Variants in AGBL3 observed in about 807,000 individuals in gnomAD.
AGBL3 encodes the protein AGBL carboxypeptidase 3.
A neutral mutation model predicts 94.5 loss-of-function variants in AGBL3; 68 were observed. That is an observed-to-expected ratio of 0.72 (90% CI 0.59 to 0.88). The LOEUF is 0.88. Ranked by LOEUF, AGBL3 falls within the 40% of genes least tolerant of loss-of-function variation. The pLI is 0.00. For synonymous variants in AGBL3, 354 were observed against 370.7 expected (o/e 0.95, Z 0.52); for missense variants, 934 against 1,103.8 (o/e 0.85, Z 2.18).
At chr7:135,059,746 G>A (rs1247489254) in intron 12 of AGBL3, among the ~76,000 whole-genome samples, 2 of 152,140 alleles carry the variant, frequency 1.3e-5, no homozygotes, top group African/African-American at 4.8e-5. Flanking sequence ...AGCAGGAGCG[G>A]GAATAAAGAG....
At chr7:135,122,501 C>T (rs932731526) in intron 16 of AGBL3, among the ~76,000 whole-genome samples, 1 of 152,150 alleles carries the variant, frequency 6.6e-6, no homozygotes, top group Non-Finnish European at 1.5e-5. Flanking sequence ...AGTGGGTTTC[C>T]CCCCAGCGAA....
intron 3 of AGBL3, among the ~76,000 whole-genome samples, chr7:134,992,220 G>T (rs1397927028): frequency 2.0e-5 from 3 of 152,166 alleles, no homozygotes; most frequent in Non-Finnish European, 2.9e-5. Flanking sequence ...TTTGCTTGTG[G>T]ATCAGTTTCA....
chr7:135,031,771 G>C (rs1815770585), intron 5 of AGBL3, among the ~76,000 whole-genome samples: 1 of 152,050 alleles, frequency 6.6e-6, no homozygotes, highest in African/African-American at 2.4e-5. Flanking sequence ...GAAAGCCTAA[G>C]GTATTCCATA....
Position 135,105,167 on chromosome 7 carries a change from T to G in AGBL3, c.2111-10213T>G, listed in dbSNP as rs578051612. On this transcript the variant is annotated intron_variant, in intron 15 of 16. Coordinates refer to ENST00000436302, the MANE Select transcript of AGBL3 (RefSeq NM_178563.4). The stretch of plus-strand genomic sequence containing the variant: ...TCACTGCAACCTCCACCTCCCAGAT[T>G]CAAGAGATTCTCTTGCCTCAGCCTC... Among the ~76,000 whole-genome samples, 72 of 150,310 alleles carry G rather than the reference T, an allele frequency of 4.8e-4. 1 individual carries two copies. The highest frequency in any genetic ancestry group is 1.6e-3 in the African/African-American group (66 of 41,056).
At chr7:135,126,051 A>G (rs1827827129) in intron 16 of AGBL3, among the ~76,000 whole-genome samples, 1 of 152,212 alleles carries the variant, frequency 6.6e-6, no homozygotes, top group Admixed American at 6.5e-5. Context: ...CAGGGCAATC[A>G]GGCAAGAGAA....
chr7:135,059,240 G>T lies in AGBL3; in HGVS notation c.1908+5G>T. On this transcript the variant is annotated splice_donor_5th_base_variant and intron_variant, in intron 12 of 16. Transcript: ENST00000436302. The stretch of plus-strand genomic sequence containing the variant: ...CTTCTCAAGTTAACTTCTCAGGTAT[G>T]ACTGAACATTTTTGCTTATATGTGG... 1 of 1,549,502 alleles carries T rather than the reference G, an allele frequency of 6.5e-7. No individual in the cohort carries two copies. The highest frequency in any genetic ancestry group is 1.2e-5 in the South Asian group (1 of 83,838).
rs1820347310 is a variant in AGBL3 at position 135,075,299 on chromosome 7, T to C, written c.1909-1098T>C. 2.6e-5 allele frequency among the ~76,000 whole-genome samples: 4 copies of C among 152,222 alleles called. No homozygotes were observed. The South Asian group carries it at 8.3e-4, about 32-fold the overall frequency. ...GTAAATGTATCATTCACAAATGTTT[T>C]TTCACATCCCTGTGAAATCACACAA... On this transcript the variant is annotated intron_variant, in intron 12 of 16. Coordinates refer to ENST00000436302, the MANE Select transcript of AGBL3 (RefSeq NM_178563.4).
intron 4 of AGBL3, among the ~76,000 whole-genome samples, chr7:135,009,369 C>G (rs1812813626): frequency 6.6e-6 from 1 of 151,996 alleles, no homozygotes; most frequent in Non-Finnish European, 1.5e-5. Context: ...GTGATAGAAG[C>G]CAGACACAAA....
At chr7:135,036,939 C>T (rs1202056367) in intron 7 of AGBL3, among the ~76,000 whole-genome samples, 7 of 122,832 alleles carry the variant, frequency 5.7e-5, no homozygotes, top group East Asian at 2.3e-4. Context: ...TTTTTTTAGA[C>T]GGAGTCTCAC....
chr7:135,002,049 CCCTT>C (rs1422644416), intron 4 of AGBL3, among the ~76,000 whole-genome samples: 2 of 152,128 alleles, frequency 1.3e-5, no homozygotes, highest in Non-Finnish European at 2.9e-5. Flanking sequence ...TACCCTCTTA[CCCTT>C]CCTTTTCCCA....
Position 135,057,070 on chromosome 7 carries a change from A to G in AGBL3, c.1842-2099A>G, listed in dbSNP as rs75720510. Among the ~76,000 whole-genome samples, 113 of 152,260 alleles carry G rather than the reference A, an allele frequency of 7.4e-4. 1 individual carries two copies. The East Asian group carries it at 0.021, about 28-fold the overall frequency. ...ATAAAACAAAATAGAGAACCCAGAA[A>G]TATATCCAATATATTTGTCACCGCT... On this transcript the variant is annotated intron_variant, in intron 11 of 16. Transcript: ENST00000436302.
intron 4 of AGBL3, among the ~76,000 whole-genome samples, chr7:135,007,406 G>C (rs982570239): frequency 8.6e-5 from 13 of 151,830 alleles, no homozygotes; most frequent in Non-Finnish European, 1.9e-4. Context: ...TAATGTGATA[G>C]AACATATCAG....
intron 5 of AGBL3, among the ~76,000 whole-genome samples, chr7:135,023,973 C>T (rs1814801016): frequency 6.6e-6 from 1 of 152,204 alleles, no homozygotes; most frequent in Admixed American, 6.5e-5. Context: ...AGGGCTTTGG[C>T]ATGCAGCTTG....
At chr7:135,000,998 G>A (rs1388179688) in intron 4 of AGBL3, among the ~76,000 whole-genome samples, 1 of 152,096 alleles carries the variant, frequency 6.6e-6, no homozygotes, top group African/African-American at 2.4e-5. Flanking sequence ...CAATTCTATA[G>A]GTTCCCATTT....
chr7:135,071,842 G>A (rs553021975), intron 12 of AGBL3, among the ~76,000 whole-genome samples: 1,818 of 152,136 alleles, frequency 0.012, 29 homozygotes, highest in African/African-American at 0.04. Context: ...CATTCAGGAC[G>A]TAGGCATGGG....
chr7:135,071,950 G>T (rs903360345), intron 12 of AGBL3, among the ~76,000 whole-genome samples: 1 of 152,116 alleles, frequency 6.6e-6, no homozygotes, highest in Non-Finnish European at 1.5e-5. Flanking sequence ...CACAGCAAAA[G>T]AAACTACCAT....
At chr7:135,120,842 G>C (rs1409060512) in intron 16 of AGBL3, among the ~76,000 whole-genome samples, 1 of 152,152 alleles carries the variant, frequency 6.6e-6, no homozygotes, top group Non-Finnish European at 1.5e-5. Context: ...TTATCAAAGA[G>C]GGGCATTATA....
intron 12 of AGBL3, among the ~76,000 whole-genome samples, chr7:135,067,527 C>A (rs2116748886): frequency 6.6e-6 from 1 of 152,286 alleles, no homozygotes; most frequent in East Asian, 1.9e-4. Context: ...GCCCGGTACT[C>A]CTCTGAGACA....
rs12113126 is a variant in AGBL3, at chr7:135,013,341, T to C, written c.311-3711T>C. On this transcript the variant is annotated intron_variant, in intron 4 of 16. Coordinates refer to ENST00000436302, the MANE Select transcript of AGBL3 (RefSeq NM_178563.4). ...TTGCATAATCACTTTGTAAAAAGGT[T>C]TGACAGTTTTGTTTCTTAATAAAGG... 9.1e-4 allele frequency among the ~76,000 whole-genome samples: 139 copies of C among 152,282 alleles called. 1 individual carries two copies. The highest frequency in any genetic ancestry group is 3.1e-3 in the African/African-American group (129 of 41,556).
Sources: gnomAD v4.1 joint callset for allele counts (sites outside exome capture counted in the v4.1 genomes callset) on GRCh38, gnomAD v4.1.1 for gene constraint, MANE v1.5 for transcripts, NCBI Gene and HGNC (gene_info 2026-07-23, HGNC 2026-07-21) for gene names.